FABP12: variants seen among roughly 807,000 people sequenced by gnomAD.
The protein encoded by FABP12 is fatty acid binding protein 12.
Under a neutral mutation model 13.7 loss-of-function variants are expected in FABP12, and 19 were observed. That is an observed-to-expected ratio of 1.39 (90% CI 0.97 to 2.04). The LOEUF (loss-of-function observed/expected upper bound fraction) is 2.04. Among genes scored for constraint, FABP12 ranks in the 30% most tolerant of loss-of-function variants. The pLI is 0.00. For missense variants in FABP12, 182 were observed against 164.2 expected, an observed-to-expected ratio of 1.11 and a Z score of -0.59; for synonymous variants, 61 against 57.0, an observed-to-expected ratio of 1.07 and a Z score of -0.32.
intron 4 of FABP12, 104 bp from the exon 5 acceptor site, chr8:81,525,224 T>C: frequency 2.5e-6 from 2 of 788,126 alleles, no homozygotes; most frequent in South Asian, 3.5e-5. Context: ...CTTAAAAATA[T>C]TGAAAGAGAG....
intron 1 of FABP12, among the ~76,000 whole-genome samples, chr8:81,582,371 T>C (rs111762668): frequency 0.011 from 1,736 of 152,010 alleles, 34 homozygotes; most frequent in African/African-American, 0.039. Context: ...TCCTCCCGCG[T>C]TGGCCTTCCA....
intron 1 of FABP12, among the ~76,000 whole-genome samples, chr8:81,551,793 C>T (rs569717709): frequency 1.1e-4 from 16 of 151,994 alleles, no homozygotes; most frequent in Non-Finnish European, 1.9e-4. Context: ...TCATGCTGGA[C>T]CCCTAGTGAC....
chr8:81,559,477 G>C (rs951917432), intron 1 of FABP12, among the ~76,000 whole-genome samples: 4 of 152,166 alleles, frequency 2.6e-5, no homozygotes, highest in African/African-American at 9.7e-5. Flanking sequence ...TCCTTTTCTA[G>C]GCCAGGGTGA....
At chr8:81,585,053 T>G (rs2081757) in intron 1 of FABP12, among the ~76,000 whole-genome samples, 125,743 of 152,140 alleles carry the variant, frequency 0.83, 53,610 homozygotes, top group Non-Finnish European at 0.92. Context: ...CTTTGTTGAT[T>G]GTTTCTTTTG....
chr8:81,567,437 G>A (rs1223060948), intron 1 of FABP12, among the ~76,000 whole-genome samples: 1 of 152,146 alleles, frequency 6.6e-6, no homozygotes, highest in Non-Finnish European at 1.5e-5. Flanking sequence ...AACCAAAACA[G>A]ATGGCATTGA....
In FABP12 at chr8:81,543,929, G is replaced by T. The variant is rs374184922; in HGVS notation, c.-184-4186C>A. Among the ~76,000 whole-genome samples the T allele has an allele frequency of 7.2e-5, 11 of 152,046 alleles. No homozygotes were observed. In the South Asian group the frequency reaches 1.2e-3, roughly 17 times the overall value. On this transcript the variant is annotated intron_variant, in intron 1 of 5. Transcript: ENST00000692030. ...AGGAAAGAGAGAGAGACAGAGAGATGAGTGTATTTTGAACAACCTACAGGT... is the reference window on the plus strand; with the variant it reads ...AGGAAAGAGAGAGAGACAGAGAGATTAGTGTATTTTGAACAACCTACAGGT...
At chr8:81,568,585 A>C (rs992235108) in intron 1 of FABP12, among the ~76,000 whole-genome samples, 1 of 152,212 alleles carries the variant, frequency 6.6e-6, no homozygotes, top group Non-Finnish European at 1.5e-5. Flanking sequence ...CCTCAAAAAA[A>C]CTAAAAATAG....
intron 1 of FABP12, among the ~76,000 whole-genome samples, chr8:81,588,101 C>A (rs11987802): frequency 0.019 from 2,911 of 152,244 alleles, 63 homozygotes; most frequent in African/African-American, 0.056. Flanking sequence ...TGATCCCCAC[C>A]CAGTTTTGAG....
At chr8:81,525,389 G>A (rs1233918432) in intron 4 of FABP12, among the ~76,000 whole-genome samples, 10 of 151,922 alleles carry the variant, frequency 6.6e-5, no homozygotes, top group Non-Finnish European at 7.4e-5. Context: ...GATGGCATGC[G>A]CCTATAGTCC....
At chr8:81,582,118 A>ATTTTTTTTT (rs34960860) in intron 1 of FABP12, among the ~76,000 whole-genome samples, 9 of 96,784 alleles carry the variant, frequency 9.3e-5, no homozygotes, top group Admixed American at 5.7e-4. Context: ...GCTAACTGGA[A>ATTTTTTTTT]TTTTTTTTTT....
intron 1 of FABP12, among the ~76,000 whole-genome samples, chr8:81,572,624 T>C (rs1199036316): frequency 1.3e-5 from 2 of 152,182 alleles, no homozygotes; most frequent in Non-Finnish European, 2.9e-5. Flanking sequence ...TCTACTGTTT[T>C]TTGATTTTTT....
intron 2 of FABP12, 65 bp from the exon 3 acceptor site, chr8:81,529,675 A>G (rs1261968950): frequency 7.4e-7 from 1 of 1,359,932 alleles, no homozygotes; most frequent in Non-Finnish European, 1.0e-6. Context: ...TTACATTACA[A>G]TACAATACTT....
chr8:81,589,754 G>A (rs73281044), intron 1 of FABP12, among the ~76,000 whole-genome samples: 1 of 152,184 alleles, frequency 6.6e-6, no homozygotes, highest in Non-Finnish European at 1.5e-5. Flanking sequence ...AAAACAGGCT[G>A]CCTTTTCCCC....
intron 1 of FABP12, among the ~76,000 whole-genome samples, chr8:81,552,463 G>T (rs1185168629): frequency 6.6e-6 from 1 of 152,140 alleles, no homozygotes; most frequent in African/African-American, 2.4e-5. Flanking sequence ...GGAGTGATTT[G>T]ATCAGATTTG....
chr8:81,532,760 G>T (rs1414108065), intron 1 of FABP12, among the ~76,000 whole-genome samples: 2 of 152,244 alleles, frequency 1.3e-5, no homozygotes, highest in African/African-American at 2.4e-5. Context: ...AGCAGAGGTT[G>T]CAGTGAGCCA....
chr8:81,582,792 A>G (rs958704464), intron 1 of FABP12, among the ~76,000 whole-genome samples: 2 of 152,188 alleles, frequency 1.3e-5, no homozygotes, highest in Non-Finnish European at 2.9e-5. Context: ...AGCATTAAAC[A>G]GATTATCTAG....
At chr8:81,572,008 T>C (rs1247790330) in intron 1 of FABP12, among the ~76,000 whole-genome samples, 1 of 152,202 alleles carries the variant, frequency 6.6e-6, no homozygotes, top group African/African-American at 2.4e-5. Flanking sequence ...TTTGGTTACA[T>C]GACTAAATTC....
chr8:81,529,709 C>T (rs1809011408), intron 2 of FABP12, 99 bp from the exon 3 acceptor site: 2 of 1,085,562 alleles, frequency 1.8e-6, no homozygotes, highest in Non-Finnish European at 2.6e-6. Context: ...ACTCCAAAAA[C>T]TCAACATTAT....
At chr8:81,571,553 C>T (rs914423230) in intron 1 of FABP12, among the ~76,000 whole-genome samples, 3 of 152,218 alleles carry the variant, frequency 2.0e-5, no homozygotes, top group Non-Finnish European at 4.4e-5. Context: ...CTTTCAAATA[C>T]CGTAACTTAT....
Sources: allele counts gnomAD v4.1 joint callset (sites outside exome capture counted in the v4.1 genomes callset), GRCh38; gene constraint gnomAD v4.1.1; transcripts MANE v1.5; gene names NCBI Gene and HGNC (gene_info 2026-07-23, HGNC 2026-07-21).